The following MYO10 variants were observed in gnomAD, a reference collection of about 807,000 sequenced individuals.
MYO10 encodes the protein unconventional myosin-X.
In MYO10, 133 loss-of-function variants were observed where a neutral mutation model predicts 257.3. The observed-to-expected ratio is 0.52, with a 90% CI of 0.45 to 0.60. MYO10 has a LOEUF of 0.60. MYO10 is among the 20% of genes least tolerant of loss of function. The probability of loss-of-function intolerance (pLI) is 0.00; values close to 1 mark genes in which losing one functional copy is unlikely to be tolerated. For synonymous variants in MYO10, 1,104 were observed against 1,028.6 expected (o/e 1.07, Z -1.40); for missense variants, 2,399 against 2,635.7 (o/e 0.91, Z 1.97).
intron 3 of MYO10, among the ~76,000 whole-genome samples, chr5:16,797,737 T>C (rs1742010757): frequency 6.6e-6 from 1 of 152,226 alleles, no homozygotes; most frequent in Admixed American, 6.5e-5. Flanking sequence ...GTTAAGTCCA[T>C]AGAAACAGCA....
Position 16,818,048 on chromosome 5 carries a change from C to T in MYO10, c.240G>A (p.Met80Ile). The change falls in exon 3 of 41, where the codon ATG becomes ATA. Residue 80 changes from methionine (M) to isoleucine (I), a missense_variant. Transcript: ENST00000513610. The part of the protein sequence containing the change: ...SLTELHGGSI[M>I]YNLFQRYKRN... The stretch of plus-strand genomic sequence containing the variant: ...TCTTATACCGCTGGAATAAGTTATA[C>T]ATGATGGAGCCGCCATGGAGCTCTG... 2 of 1,605,148 alleles carry T rather than the reference C, an allele frequency of 1.2e-6. No individual in the cohort carries two copies. Among genetic ancestry groups the T allele is most frequent in the Non-Finnish European group, 8.5e-7 (1 of 1,174,966 alleles).
intron 1 of MYO10, among the ~76,000 whole-genome samples, chr5:16,903,524 T>A (rs1745442706): frequency 6.6e-6 from 1 of 152,228 alleles, no homozygotes. Flanking sequence ...GTTCAGTTTT[T>A]CTCCTCTTTT....
At chr5:16,828,543 C>T (rs745586520) in intron 2 of MYO10, among the ~76,000 whole-genome samples, 4 of 150,038 alleles carry the variant, frequency 2.7e-5, no homozygotes, top group African/African-American at 4.9e-5. Context: ...TCACTTAAAC[C>T]GAGGAGGTGC....
At chr5:16,905,227 C>T (rs1745487831) in intron 1 of MYO10, among the ~76,000 whole-genome samples, 1 of 152,166 alleles carries the variant, frequency 6.6e-6, no homozygotes, top group Non-Finnish European at 1.5e-5. Flanking sequence ...TGAAGGAAAG[C>T]ACCTCCAAGA....
chr5:16,712,834 T>C (rs1025295925), intron 19 of MYO10, among the ~76,000 whole-genome samples: 6 of 152,222 alleles, frequency 3.9e-5, no homozygotes, highest in Non-Finnish European at 8.8e-5. Flanking sequence ...CAAAGAACTG[T>C]GGTTCTCTGT....
chr5:16,870,316 T>G (rs1309629091), intron 2 of MYO10, among the ~76,000 whole-genome samples: 1 of 151,390 alleles, frequency 6.6e-6, no homozygotes, highest in Non-Finnish European at 1.5e-5. Flanking sequence ...AGGGCTTGAG[T>G]GCTTCTTGCT....
Position 16,663,183 on chromosome 5 carries a change from T to C in MYO10, c.*3509A>G, listed in dbSNP as rs907201418. On this transcript the variant is annotated 3_prime_UTR_variant, in exon 41 of 41. Coordinates refer to ENST00000513610, the MANE Select transcript of MYO10 (RefSeq NM_012334.3). Reference sequence around the variant, plus strand: ...TCTATTAAAAATGAGGATGGGGATATATATGTATGTATGAGTAAATGATTG... The same window carrying C: ...TCTATTAAAAATGAGGATGGGGATACATATGTATGTATGAGTAAATGATTG... 10 of 152,100 alleles carry C rather than the reference T, an allele frequency of 6.6e-5. No individual in the cohort carries two copies. Among genetic ancestry groups the C allele is most frequent in the African/African-American group, 2.2e-4 (9 of 41,390 alleles). 9.4% of individuals were successfully genotyped at this position (152,100 alleles called of 1,614,324 possible).
chr5:16,724,937 C>T lies in MYO10; in HGVS notation c.1930-13692G>A, dbSNP rs950525835. ...CAGTATGCATGTGTGTGTATATGCA[C>T]GCTCACGTGTGTGCAGATAAATACA... is the stretch of plus-strand genomic sequence containing the variant. On this transcript the variant is annotated intron_variant, in intron 19 of 40. Transcript: ENST00000513610. Among the ~76,000 whole-genome samples the T allele has an allele frequency of 7.9e-5, 12 of 152,106 alleles. No individual in the cohort carries two copies. The East Asian group carries it at 1.2e-3, about 15-fold the overall frequency.
intron 3 of MYO10, among the ~76,000 whole-genome samples, chr5:16,811,893 C>T (rs1742452442): frequency 6.6e-6 from 1 of 152,152 alleles, no homozygotes; most frequent in Admixed American, 6.5e-5. Context: ...GTAGCGTCAC[C>T]ACCACCACCA....
chr5:16,844,373 C>T (rs947182845), intron 2 of MYO10, among the ~76,000 whole-genome samples: 4 of 152,060 alleles, frequency 2.6e-5, no homozygotes, highest in Non-Finnish European at 5.9e-5. Flanking sequence ...AATATTTATC[C>T]GCTTTCTCCA....
intron 2 of MYO10, among the ~76,000 whole-genome samples, chr5:16,869,073 G>A (rs1580094505): frequency 6.6e-6 from 1 of 152,224 alleles, no homozygotes; most frequent in Non-Finnish European, 1.5e-5. Flanking sequence ...CGCCCAGCGT[G>A]GAGTGCAGTG....
At chr5:16,729,076 A>C (rs892077280) in intron 19 of MYO10, among the ~76,000 whole-genome samples, 1 of 152,324 alleles carries the variant, frequency 6.6e-6, no homozygotes, top group Admixed American at 6.5e-5. Flanking sequence ...ATGAAAAACA[A>C]AACACTGCTC....
At chr5:16,811,704 C>T (rs1390363920) in intron 3 of MYO10, among the ~76,000 whole-genome samples, 2 of 152,156 alleles carry the variant, frequency 1.3e-5, no homozygotes, top group East Asian at 3.9e-4. Context: ...GGCACGCCAC[C>T]ACGGCTGGCT....
intron 26 of MYO10, among the ~76,000 whole-genome samples, chr5:16,698,592 C>G (rs1351414273): frequency 6.7e-6 from 1 of 149,984 alleles, no homozygotes; most frequent in Non-Finnish European, 1.5e-5. Flanking sequence ...CTTTTAGGCT[C>G]TCTAATATCC....
At chr5:16,772,244 T>C (rs1278683847) in intron 9 of MYO10, among the ~76,000 whole-genome samples, 1 of 151,994 alleles carries the variant, frequency 6.6e-6, no homozygotes, top group Non-Finnish European at 1.5e-5. Flanking sequence ...GTGATTCTCC[T>C]GCCTCAGCCT....
At position 16,682,139 on chromosome 5, in the gene MYO10, C is replaced by G; in HGVS notation, c.4047-126G>C. 5.3e-6 allele frequency: 6 copies of G among 1,141,312 alleles called. No homozygotes were observed. The South Asian group carries it at 9.0e-5, about 17-fold the overall frequency. 70.7% of individuals were successfully genotyped at this position (1,141,312 alleles called of 1,614,324 possible). On this transcript the variant is annotated intron_variant, in intron 30 of 40. Transcript: ENST00000513610. ...CACGGGATATACACTGCTAGGCTATCTGTGCTTTTATTAAGGCAAACGTTG... is the reference window on the plus strand; with the variant it reads ...CACGGGATATACACTGCTAGGCTATGTGTGCTTTTATTAAGGCAAACGTTG...
intron 26 of MYO10, among the ~76,000 whole-genome samples, chr5:16,697,430 G>C (rs28563915): frequency 0.034 from 5,194 of 152,262 alleles, 309 homozygotes; most frequent in African/African-American, 0.11. Flanking sequence ...GGCTGGGCGC[G>C]GTGGCTCACT....
intron 9 of MYO10, among the ~76,000 whole-genome samples, chr5:16,777,994 G>A (rs1482081484): frequency 1.3e-5 from 2 of 151,558 alleles, no homozygotes; most frequent in Non-Finnish European, 2.9e-5. Context: ...GACTGCAGTC[G>A]CCCGCCACCA....
intron 2 of MYO10, among the ~76,000 whole-genome samples, chr5:16,850,806 G>A (rs1409365659): frequency 1.4e-5 from 2 of 145,098 alleles, no homozygotes; most frequent in African/African-American, 2.5e-5. Context: ...AGGGGGTTAC[G>A]GGCGGGGGGG....
Sources: gnomAD v4.1 joint callset for allele counts (sites outside exome capture counted in the v4.1 genomes callset) on GRCh38, gnomAD v4.1.1 for gene constraint, MANE v1.5 for transcripts, NCBI Gene and HGNC (gene_info 2026-07-23, HGNC 2026-07-21) for gene names.